The following PTK2 variants were observed in gnomAD, a reference collection of about 807,000 sequenced individuals.
PTK2 encodes focal adhesion kinase 1.
Under a neutral mutation model 150.1 loss-of-function variants are expected in PTK2, and 45 were observed. That is an observed-to-expected ratio of 0.30 (90% confidence interval 0.24 to 0.38). The LOEUF (loss-of-function observed/expected upper bound fraction) is 0.38, where lower values mean the gene tolerates loss of function less well. Ranked by LOEUF, PTK2 falls within the 10% of genes least tolerant of loss-of-function variation. The probability of loss-of-function intolerance (pLI) is 1.00; values close to 1 mark genes in which losing one functional copy is unlikely to be tolerated. For synonymous variants in PTK2, 432 were observed against 449.2 expected (o/e 0.96, Z 0.48); for missense variants, 919 against 1,307.3 (o/e 0.70, Z 4.58).
At chr8:140,779,460 A>G (rs1566190005) in intron 14 of PTK2, among the ~76,000 whole-genome samples, 2 of 152,008 alleles carry the variant, frequency 1.3e-5, no homozygotes, top group Non-Finnish European at 2.9e-5. Flanking sequence ...GGGCAATGAG[A>G]ATCAGGGCAC....
chr8:140,665,593 AAAT>A (rs2090359309), intron 30 of PTK2, among the ~76,000 whole-genome samples: 2 of 152,210 alleles, frequency 1.3e-5, no homozygotes, highest in African/African-American at 4.8e-5. Context: ...GATTTAAAAC[AAAT>A]AATTTTAAAC....
intron 5 of PTK2, among the ~76,000 whole-genome samples, chr8:140,859,896 T>C (rs1289471964): frequency 1.3e-5 from 2 of 152,222 alleles, no homozygotes; most frequent in Admixed American, 1.3e-4. Context: ...AGTTCTGGAA[T>C]TGCGAAGCAT....
In PTK2 at chr8:140,674,375, G is replaced by A. The variant is rs1260657059; in HGVS notation, c.2632C>T (p.Arg878Cys). The A allele has an allele frequency of 7.5e-6, 12 of 1,603,462 alleles. No individual in the cohort carries two copies. Among genetic ancestry groups the A allele is most frequent in the African/African-American group, 2.7e-5 (2 of 74,864 alleles). The change falls in exon 29 of 32, where the codon CGC (arginine) becomes TGC (cysteine). Residue 878 changes from arginine to cysteine, a missense_variant. Arg to Cys is a radical substitution (Grantham distance 180). Around this residue, in one of 3 missense-constraint regions of PTK2, gnomAD observed 258 missense variants for 265.4 expected, o/e 0.97. Transcript: ENST00000522684. ...CCCAGATGACCGGGAGCTCCAGGGC[G>A]AGGCGGTTTCTTTGGTGGAGCTGCA...
intron 1 of PTK2, among the ~76,000 whole-genome samples, chr8:140,984,668 CAT>C (rs2100192672): frequency 1.3e-5 from 2 of 152,090 alleles, no homozygotes; most frequent in East Asian, 1.9e-4. Context: ...CAAAGGTAAA[CAT>C]GTGCTGGCAA....
chr8:140,689,787 T>C (rs1387718060), intron 26 of PTK2, among the ~76,000 whole-genome samples: 2 of 152,162 alleles, frequency 1.3e-5, no homozygotes, highest in Non-Finnish European at 2.9e-5. Flanking sequence ...TTCTTGTAAC[T>C]TTAAAAAACT....
intron 22 of PTK2, among the ~76,000 whole-genome samples, chr8:140,721,213 A>G (rs1000319995): frequency 6.6e-6 from 1 of 152,210 alleles, no homozygotes; most frequent in Non-Finnish European, 1.5e-5. Context: ...ATATCCAAGT[A>G]GAGCTTGAGA....
At chr8:140,869,487 T>C (rs2100141274) in intron 4 of PTK2, among the ~76,000 whole-genome samples, 1 of 152,160 alleles carries the variant, frequency 6.6e-6, no homozygotes, top group Admixed American at 6.6e-5. Flanking sequence ...TCAGCACAGC[T>C]TTCCCTTAAC....
intron 13 of PTK2, among the ~76,000 whole-genome samples, chr8:140,790,227 A>G (rs553771489): frequency 6.6e-6 from 1 of 152,332 alleles, no homozygotes; most frequent in South Asian, 2.1e-4. Context: ...TATAAGAGAA[A>G]ACCTTTTCCA....
intron 29 of PTK2, chr8:140,672,232 T>C: frequency 2.3e-6 from 1 of 428,786 alleles, no homozygotes; most frequent in South Asian, 1.7e-5. Context: ...TCTCACTATG[T>C]TGCGCAGGCC....
intron 1 of PTK2, among the ~76,000 whole-genome samples, chr8:140,964,829 G>C (rs1238426098): frequency 1.3e-5 from 2 of 152,018 alleles, no homozygotes; most frequent in African/African-American, 4.8e-5. Flanking sequence ...CATCATTCCA[G>C]GAACAAAAAT....
chr8:140,789,422 C>A, intron 14 of PTK2, 52 bp downstream of exon 14: 2 of 1,528,060 alleles, frequency 1.3e-6, no homozygotes, highest in Non-Finnish European at 9.0e-7. Context: ...CATCTATGAT[C>A]GTCTTACCCC....
chr8:140,764,371 C>A, intron 14 of PTK2, 81 bp from the exon 17 acceptor site: 2 of 1,094,118 alleles, frequency 1.8e-6, no homozygotes, highest in South Asian at 1.3e-5. Flanking sequence ...GTAGGCAAAG[C>A]GATCTGCTTA....
chr8:140,849,016 G>T (rs1213699027), intron 5 of PTK2, among the ~76,000 whole-genome samples: 1 of 151,912 alleles, frequency 6.6e-6, no homozygotes, highest in Non-Finnish European at 1.5e-5. Context: ...AACCAAATTC[G>T]CATTGTAAAA....
chr8:140,900,697 G>C (rs902155761), intron 2 of PTK2, among the ~76,000 whole-genome samples: 1 of 151,928 alleles, frequency 6.6e-6, no homozygotes, highest in Non-Finnish European at 1.5e-5. Context: ...ATTCCAGCCT[G>C]GGTGACAAAG....
chr8:140,721,062 CCTTT>C lies in PTK2; in HGVS notation c.2031-3357_2031-3354del, dbSNP rs372502638. Among the ~76,000 whole-genome samples the C allele has an allele frequency of 3.7e-3, 565 of 151,354 alleles. 5 individuals are homozygous for C. Among genetic ancestry groups the C allele is most frequent in the African/African-American group, 0.013 (534 of 40,916 alleles). ...ATGAGCCACCATGCCTGGCCTCCTA[CCTTT>C]CTTTCTTTATTTTTTTTTTTTTAAA... On this transcript the variant is annotated intron_variant, in intron 22 of 31. Coordinates refer to ENST00000522684, the Ensembl canonical transcript of PTK2.
At chr8:140,889,833 C>CTGA (rs1190489619) in intron 3 of PTK2, among the ~76,000 whole-genome samples, 1 of 152,252 alleles carries the variant, frequency 6.6e-6, no homozygotes, top group East Asian at 1.9e-4. Context: ...CATTCCCCAC[C>CTGA]TTCAGAAAGA....
Position 140,879,706 on chromosome 8 carries a change from AAC to A in PTK2, c.196-71_196-70del. 4.3e-6 allele frequency: 5 copies of A among 1,149,496 alleles called. No individual in the cohort carries two copies. The African/African-American group carries it at 6.8e-5, about 16-fold the overall frequency. 71.2% of individuals were successfully genotyped at this position (1,149,496 alleles called of 1,614,324 possible). On this transcript the variant is annotated intron_variant, in intron 3 of 31. Coordinates refer to ENST00000522684, the Ensembl canonical transcript of PTK2. ...AAAAAAAAAAAAAAAAAAAAACCAAAACAAAACAAAAACAAAACAAAAAAAAA... is the reference window on the plus strand; with the variant it reads ...AAAAAAAAAAAAAAAAAAAAACCAAAAAAACAAAAACAAAACAAAAAAAAA...
chr8:140,808,446 T>C (rs919794276), intron 10 of PTK2, among the ~76,000 whole-genome samples: 3 of 152,188 alleles, frequency 2.0e-5, no homozygotes, highest in Non-Finnish European at 4.4e-5. Flanking sequence ...ATACCTCTTA[T>C]TTCATAGGCA....
At chr8:140,714,155 C>T (rs1318844553) in intron 23 of PTK2, among the ~76,000 whole-genome samples, 6 of 152,108 alleles carry the variant, frequency 3.9e-5, no homozygotes, top group Non-Finnish European at 4.4e-5. Context: ...CCCAAAGCAC[C>T]GCAATTATAG....
Sources: allele counts gnomAD v4.1 joint callset (sites outside exome capture counted in the v4.1 genomes callset), GRCh38; gene constraint gnomAD v4.1.1; regional missense constraint gnomAD v4.1.1; transcripts MANE v1.5; gene names NCBI Gene and HGNC (gene_info 2026-07-23, HGNC 2026-07-21).